The following PDE4DIP variants were observed in gnomAD, a reference collection of about 807,000 sequenced individuals.
PDE4DIP encodes phosphodiesterase 4D interacting protein, also known as myomegalin.
A neutral mutation model predicts 221.4 loss-of-function variants in PDE4DIP; 59 were observed. That is an observed-to-expected ratio of 0.27 (90% CI 0.22 to 0.33). The LOEUF (loss-of-function observed/expected upper bound fraction) is 0.33, where lower values mean the gene tolerates loss of function less well. Ranked by LOEUF, PDE4DIP falls within the 10% of genes least tolerant of loss-of-function variation. The pLI, the probability that PDE4DIP is intolerant of heterozygous loss-of-function variation, is 1.00. For missense variants in PDE4DIP, 1,036 were observed against 2,154.2 expected, an observed-to-expected ratio of 0.48 and a Z score of 10.28; for synonymous variants, 404 against 815.9, an observed-to-expected ratio of 0.50 and a Z score of 8.60.
rs1306549810 is a variant in PDE4DIP, at chr1:149,030,829, A to T, written c.6999+551A>T. Reference sequence around the variant, plus strand: ...AAAAGCGAATTTGTTAATAAATAACAACTGAACCTTCAGGGAAAAAATGTT... The same window carrying T: ...AAAAGCGAATTTGTTAATAAATAACTACTGAACCTTCAGGGAAAAAATGTT... On this transcript the variant is annotated intron_variant, in intron 43 of 43. Transcript: ENST00000369354. 3.1e-6 allele frequency: 3 copies of T among 973,956 alleles called. No homozygotes were observed. In the African/African-American group the frequency reaches 5.3e-5, roughly 17 times the overall value. 60.3% of individuals were successfully genotyped at this position (973,956 alleles called of 1,614,324 possible).
chr1:148,982,005 A>G (rs1299171565), intron 21 of PDE4DIP: 1 of 155,262 alleles, frequency 6.4e-6, no homozygotes, highest in Non-Finnish European at 1.4e-5. Context: ...TAGTCTTGTA[A>G]TAGTAGACTG....
chr1:149,030,134 G>A (rs2076319176), intron 42 of PDE4DIP, 98 bp from the exon 46 acceptor site: 5 of 1,044,298 alleles, frequency 4.8e-6, no homozygotes, highest in Admixed American at 4.1e-5. Context: ...AAGCTGAATA[G>A]CCAGAAAGAA....
rs2066281088 is a variant in PDE4DIP at position 149,003,771 on chromosome 1, A to AGCTGTCACATTTGGAT, written c.3886+47_3886+62dup. The AGCTGTCACATTTGGAT allele has an allele frequency of 4.8e-6, 5 of 1,043,720 alleles. No individual in the cohort carries two copies. In the African/African-American group the frequency reaches 7.7e-5, roughly 16 times the overall value. 64.7% of individuals were successfully genotyped at this position (1,043,720 alleles called of 1,614,324 possible). A position where few individuals can be genotyped will look rare whatever the true frequency, so the allele number is the denominator to read the frequency against. ...GTGGGGCTCACCCCTCCCTGGAGTC[A>AGCTGTCACATTTGGAT]GCTGTCACATTTGGATGCTGTTGGC... On this transcript the variant is annotated intron_variant, in intron 26 of 43. Coordinates refer to ENST00000369354, the Ensembl canonical transcript of PDE4DIP.
intron 17 of PDE4DIP, among the ~76,000 whole-genome samples, chr1:148,976,239 T>C (rs587764794): frequency 6.6e-6 from 1 of 152,384 alleles, no homozygotes; most frequent in South Asian, 2.1e-4. Context: ...TATTGCTAAA[T>C]TCCTTTAAAG....
chr1:148,918,966 G>A (rs1553460351), intron 1 of PDE4DIP, among the ~76,000 whole-genome samples: 1 of 87,788 alleles, frequency 1.1e-5, no homozygotes, highest in Non-Finnish European at 2.2e-5. Context: ...AGAATGTCCT[G>A]GTCTTGCAGA....
At chr1:148,890,687 G>A (rs112851512) in intron 1 of PDE4DIP, among the ~76,000 whole-genome samples, 9 of 94,270 alleles carry the variant, frequency 9.5e-5, no homozygotes, top group African/African-American at 2.9e-4. Flanking sequence ...CCCAGGAGGC[G>A]GAGGTTGCGG....
chr1:148,927,777 T>G (rs1181047426), intron 1 of PDE4DIP, among the ~76,000 whole-genome samples: 854 of 145,562 alleles, frequency 5.9e-3, no homozygotes, highest in African/African-American at 0.014. Flanking sequence ...TAATCCATCT[T>G]TGCATGCTAA....
rs587698960 is a variant in PDE4DIP at position 149,010,048 on chromosome 1, C to T, written c.4927+257C>T. On this transcript the variant is annotated intron_variant, in intron 30 of 43. Transcript: ENST00000369354. Reference sequence around the variant, plus strand: ...CACTGTGGGGAGAGTGAGAAGATCACGGCAGACTCTTCTTCCTTGGTGACT... The same window carrying T: ...CACTGTGGGGAGAGTGAGAAGATCATGGCAGACTCTTCTTCCTTGGTGACT... Among the ~76,000 whole-genome samples, 11 of 152,290 alleles carry T rather than the reference C, an allele frequency of 7.2e-5. 1 individual carries two copies. The East Asian group carries it at 1.2e-3, about 16-fold the overall frequency.
intron 5 of PDE4DIP, among the ~76,000 whole-genome samples, chr1:148,946,125 T>C (rs1394274587): frequency 6.6e-6 from 1 of 152,198 alleles, no homozygotes; most frequent in African/African-American, 2.4e-5. Flanking sequence ...TCTGGCTCAA[T>C]CTTTGCAGTG....
At chr1:149,013,015 C>T (rs587692825) in intron 32 of PDE4DIP, among the ~76,000 whole-genome samples, 178 of 152,124 alleles carry the variant, frequency 1.2e-3, no homozygotes, top group African/African-American at 4.1e-3. Context: ...CTGGTGCTCT[C>T]ACACTGTAGA....
At chr1:148,948,014 CCAGG>C (rs2151139371) in intron 5 of PDE4DIP, among the ~76,000 whole-genome samples, 1 of 150,428 alleles carries the variant, frequency 6.6e-6, no homozygotes. Context: ...AACAAGCCCT[CCAGG>C]TGATTCTGAT....
intron 22 of PDE4DIP, among the ~76,000 whole-genome samples, chr1:148,994,733 C>T (rs1383666281): frequency 6.6e-6 from 1 of 151,342 alleles, no homozygotes; most frequent in African/African-American, 2.4e-5. Context: ...AGTCACCCTG[C>T]TATGCAATAT....
exon 38 of PDE4DIP, chr1:149,024,517 C>G (rs1265605696): frequency 4.2e-6 from 4 of 961,762 alleles, no homozygotes; most frequent in Non-Finnish European, 6.4e-6. Flanking sequence ...GAGGTACGAG[C>G]TCTGAGAGGG....
chr1:149,032,002 A>G (rs369549983), exon 44 of PDE4DIP: 361 of 1,610,500 alleles, frequency 2.2e-4, no homozygotes, highest in Non-Finnish European at 3.0e-4. Flanking sequence ...CCTTCCAGGA[A>G]CCATGCAAGA....
At chr1:148,933,476 T>C (rs1319016100) in intron 4 of PDE4DIP, among the ~76,000 whole-genome samples, 2 of 152,196 alleles carry the variant, frequency 1.3e-5, no homozygotes, top group African/African-American at 2.4e-5. Flanking sequence ...GAGGAAACTT[T>C]CTAAATGTCC....
At chr1:149,000,496 G>GT (rs1553573851) in intron 23 of PDE4DIP, among the ~76,000 whole-genome samples, 2 of 151,714 alleles carry the variant, frequency 1.3e-5, no homozygotes, top group Non-Finnish European at 1.5e-5. Flanking sequence ...GGAGGTTGCA[G>GT]TGAGCCAAGA....
intron 2 of PDE4DIP, chr1:148,930,591 A>T (rs1168021260): frequency 6.6e-6 from 1 of 150,902 alleles, no homozygotes; most frequent in African/African-American, 2.4e-5. Context: ...ATGCAATCCC[A>T]TTTACAATAT....
chr1:148,979,807 A>G (rs1294650613), exon 20 of PDE4DIP: 2 of 1,613,644 alleles, frequency 1.2e-6, no homozygotes, highest in African/African-American at 2.7e-5. Context: ...GCAGAGAGAC[A>G]GCTCTATAGC....
chr1:149,027,226 AT>A (rs1374718502), intron 39 of PDE4DIP, among the ~76,000 whole-genome samples, 174 bp from the exon 43 acceptor site: 1 of 140,320 alleles, frequency 7.1e-6, no homozygotes, highest in African/African-American at 2.7e-5. Flanking sequence ...TTATAAAAAT[AT>A]AGAAGCCAGA....
Sources: gnomAD v4.1 joint callset for allele counts (sites outside exome capture counted in the v4.1 genomes callset) on GRCh38, gnomAD v4.1.1 for gene constraint, MANE v1.5 for transcripts, NCBI Gene and HGNC (gene_info 2026-07-23, HGNC 2026-07-21) for gene names.